Variants in TTN observed in about 807,000 individuals in gnomAD.
The protein encoded by TTN is titin, also known as connectin.
TTN carries 1,525 observed loss-of-function variants against 3,223.0 expected under a neutral mutation model. That is an observed-to-expected ratio of 0.47 (90% CI 0.45 to 0.49). The LOEUF (loss-of-function observed/expected upper bound fraction) is 0.49, where lower values mean the gene tolerates loss of function less well. Ranked by LOEUF, TTN falls within the 20% of genes least tolerant of loss-of-function variation. The probability of loss-of-function intolerance (pLI) is 0.00; values close to 1 mark genes in which losing one functional copy is unlikely to be tolerated. For synonymous variants in TTN, 14,094 were observed against 15,161.0 expected, an observed-to-expected ratio of 0.93 and a Z score of 5.17; for missense variants, 40,786 against 43,424.0, an observed-to-expected ratio of 0.94 and a Z score of 5.40.
chr2:178,798,510 A>C (rs192344486), intron 6 of TTN: 1 of 152,288 alleles, frequency 6.6e-6, no homozygotes, highest in East Asian at 1.9e-4. Flanking sequence ...AATATTTAAA[A>C]GGTTTTACTT....
chr2:178,735,889 C>G lies in TTN; in HGVS notation c.14557G>C (p.Glu4853Gln). The G allele has an allele frequency of 6.2e-7, 1 of 1,613,858 alleles. No individual in the cohort carries two copies. The highest frequency in any genetic ancestry group is 1.1e-5 in the South Asian group (1 of 91,074). Residue 4853 changes from glutamate (E) to glutamine (Q), a missense_variant, in exon 50 of 363, where the codon GAA becomes CAA. Coordinates refer to ENST00000589042, the MANE Select transcript of TTN (RefSeq NM_001267550.2). ...ISDAENKHIL[E>Q]LSNLTIQDRG... ...TCTTGAATGGTAAGGTTTGAGAGTTCTAAAATGTGTTTGTTTTCTGCGTCG... is the reference window on the plus strand; with the variant it reads ...TCTTGAATGGTAAGGTTTGAGAGTTGTAAAATGTGTTTGTTTTCTGCGTCG...
At position 178,532,307 on chromosome 2, in the gene TTN, C is replaced by T. The variant is rs1689483910; in HGVS notation, c.104308G>A (p.Asp34770Asn). 4 of 1,613,900 alleles carry T rather than the reference C, an allele frequency of 2.5e-6. No homozygotes were observed. Among genetic ancestry groups the T allele is most frequent in the Non-Finnish European group, 3.4e-6 (4 of 1,179,896 alleles). ...GTAACTGGGCGAAGCAACTCTTCAT[C>T]CTCCCTCTCAGCCATGATTCTTTGC... ...QRQRIMAERE[D>N]EELLRPVTTT... Residue 34770 changes from aspartate (D) to asparagine (N), a missense_variant, in exon 358 of 363, where the codon GAT becomes AAT. Coordinates refer to ENST00000589042, the MANE Select transcript of TTN (RefSeq NM_001267550.2).
At position 178,759,074 on chromosome 2, in the gene TTN, C is replaced by T. The variant is rs1187665800; in HGVS notation, c.10213G>A (p.Glu3405Lys). Residue 3405 changes from glutamate (E) to lysine (K), a missense_variant, in exon 44 of 363, where the codon GAA becomes AAA. By Grantham distance (56) the Glu-to-Lys change is moderately conservative. Transcript: ENST00000589042. ...GTTCCTTCATCTTCTGGATAAGCTT[C>T]GGCAATTTCCAGTTGATAAGTGTCT... ...FEDTYQLEIA[E>K]AYPEDEGTYT... 34 of 1,613,930 alleles carry T rather than the reference C, an allele frequency of 2.1e-5. No homozygotes were observed. The highest frequency in any genetic ancestry group is 1.7e-4 in the Middle Eastern group (1 of 6,058).
chr2:178,725,556 A>G lies in TTN; in HGVS notation c.20648T>C (p.Ile6883Thr). The change falls in exon 71 of 363, where the codon ATT (isoleucine) becomes ACT (threonine). Residue 6883 changes from isoleucine to threonine, a missense_variant. Coordinates refer to ENST00000589042, the MANE Select transcript of TTN (RefSeq NM_001267550.2). ...CTTCTCTTTAAGCCACTGGACAAAA[A>G]TAGGCTGGGCGCCTTCTATGGATGC... ...LQASIEGAQP[I>T]FVQWLKEKEE... 6.2e-7 allele frequency: 1 copy of G among 1,613,264 alleles called. No individual in the cohort carries two copies.
intron 150 of TTN, 94 bp downstream of exon 150, chr2:178,674,945 C>T: frequency 1.6e-6 from 1 of 636,078 alleles, no homozygotes; most frequent in Non-Finnish European, 2.5e-6. Context: ...ATGTTGATTT[C>T]CTGGGGTAAA....
At chr2:178,671,832 C>A in intron 155 of TTN, 139 bp downstream of exon 155, 1 of 834,532 alleles carries the variant, frequency 1.2e-6, no homozygotes. Context: ...AGATATTAAT[C>A]TTTGTGTCAA....
rs1479661386 is a variant in TTN, at chr2:178,715,274, GA to G, written c.25922-11del. 1.9e-6 allele frequency: 3 copies of G among 1,580,766 alleles called. No homozygotes were observed. Among genetic ancestry groups the G allele is most frequent in the African/African-American group, 1.4e-5 (1 of 72,890 alleles). ...CGGAAAATGGGTGGTTCTAAAATTG[GA>G]AAAAAGGAAAATACGGATGTATTCT... On this transcript the variant is annotated splice_polypyrimidine_tract_variant and intron_variant, in intron 89 of 362. Coordinates refer to ENST00000589042, the MANE Select transcript of TTN (RefSeq NM_001267550.2).
rs2078136665 is a variant in TTN at position 178,720,254 on chromosome 2, T to C, written c.23388A>G (p.Arg7796=). ...AGGTGTCACTTAGCTTTTTCACGAA[T>C]CGTGGAGGTTCTGATGAAAGAAATT... ...SCSVKFKEPP[R]FVKKLSDTST... Residue 7796 remains arginine (R), a synonymous_variant, in exon 81 of 363, where the codon CGA becomes CGG. Coordinates refer to ENST00000589042, the MANE Select transcript of TTN (RefSeq NM_001267550.2). 2 of 1,608,256 alleles carry C rather than the reference T, an allele frequency of 1.2e-6. No individual in the cohort carries two copies. Among genetic ancestry groups the C allele is most frequent in the Non-Finnish European group, 1.7e-6 (2 of 1,176,262 alleles).
chr2:178,766,923 T>G (rs2090545367), intron 40 of TTN, among the ~76,000 whole-genome samples: 1 of 152,228 alleles, frequency 6.6e-6, no homozygotes, highest in Non-Finnish European at 1.5e-5. Flanking sequence ...TAATGATGCT[T>G]TACCTTTGGG....
chr2:178,716,931 T>TA (rs1306048702), intron 88 of TTN, among the ~76,000 whole-genome samples, 164 bp downstream of exon 88: 1 of 152,116 alleles, frequency 6.6e-6, no homozygotes, highest in Non-Finnish European at 1.5e-5. Flanking sequence ...TTAAAGTAAT[T>TA]AAAAAATACT....
intron 220 of TTN, 83 bp downstream of exon 220, chr2:178,641,158 C>G (rs1194879331): frequency 2.1e-6 from 2 of 937,756 alleles, no homozygotes; most frequent in Admixed American, 5.7e-5. Flanking sequence ...CATCTAACTT[C>G]ATTTATGTTT....
In TTN at chr2:178,672,716, T is replaced by C; in HGVS notation, c.34787-13A>G. 1 of 1,584,972 alleles carries C rather than the reference T, an allele frequency of 6.3e-7. No homozygotes were observed. The highest frequency in any genetic ancestry group is 8.6e-7 in the Non-Finnish European group (1 of 1,163,762). On this transcript the variant is annotated splice_polypyrimidine_tract_variant and intron_variant, in intron 152 of 362. Transcript: ENST00000589042. ...ATTTTCTTTGACACTTTAAAGATAT[T>C]AGGTGTTTTAGTTAGCTGAGAATGT... is the stretch of plus-strand genomic sequence containing the variant.
chr2:178,576,823 C>G lies in TTN; in HGVS notation c.69421G>C (p.Gly23141Arg), dbSNP rs1291311240. ...GATACCTCTGGTTTTTCAGGAGGGCCAGGGGGACCTGAAAAGGAAGCAAAT... is the reference window on the plus strand; with the variant it reads ...GATACCTCTGGTTTTTCAGGAGGGCGAGGGGGACCTGAAAAGGAAGCAAAT... Reference protein sequence around the residue: ...VKMVDRFGPPGPPEKPEVSNV... With the variant: ...VKMVDRFGPPRPPEKPEVSNV... The change falls in exon 325 of 363, where the codon GGC becomes CGC. Residue 23141 changes from glycine (G) to arginine (R), a missense_variant. Coordinates refer to ENST00000589042, the MANE Select transcript of TTN (RefSeq NM_001267550.2). The surrounding 1 kb of genome is among the most constrained non-coding windows in gnomAD (Gnocchi z 4.3). The G allele has an allele frequency of 3.1e-6, 5 of 1,607,064 alleles. No individual in the cohort carries two copies. The highest frequency in any genetic ancestry group is 3.4e-6 in the Non-Finnish European group (4 of 1,178,120).
Position 178,670,227 on chromosome 2 carries a change from GT to G in TTN, c.35376del (p.Pro11793GlnfsTer22). 1 of 1,472,730 alleles carries G rather than the reference GT, an allele frequency of 6.8e-7. No homozygotes were observed. Among genetic ancestry groups the G allele is most frequent in the Non-Finnish European group, 9.0e-7 (1 of 1,116,304 alleles). The allele number at this position is 1,472,730 out of a possible 1,614,324, so 91.2% of individuals were successfully genotyped here. On this transcript the variant is annotated frameshift_variant, in exon 157 of 363. Coordinates refer to ENST00000589042, the MANE Select transcript of TTN (RefSeq NM_001267550.2). LOFTEE classifies it high-confidence loss of function. ...GAGAAAAGCCAGTTACCTTTAGTTG[GT>G]GGAACTCTGGGCTCTTCAGGAACAC... ...KVRVPEEPRV[P>X]PTKAPEVPKK...
In TTN at chr2:178,536,228, C is replaced by T; in HGVS notation, c.100519G>A (p.Val33507Ile). 2 of 1,613,296 alleles carry T rather than the reference C, an allele frequency of 1.2e-6. No homozygotes were observed. The highest frequency in any genetic ancestry group is 1.1e-5 in the South Asian group (1 of 91,018). The change falls in exon 357 of 363, where the codon GTC (valine) becomes ATC (isoleucine). Residue 33507 changes from valine (V) to isoleucine (I), a missense_variant. Physicochemically the swap from Val to Ile is conservative, Grantham distance 29. Coordinates refer to ENST00000589042, the MANE Select transcript of TTN (RefSeq NM_001267550.2). ...HFKEELRNLN[V>I]RYQSNATLVC... ...AAGGTAGCATTGCTCTGATATCTGA[C>T]ATTTAGATTTCTCAGTTCCTCTTTA...
rs727505311 is a variant in TTN at position 178,540,091 on chromosome 2, G to C, written c.98075C>G (p.Thr32692Arg). 28 of 1,606,078 alleles carry C rather than the reference G, an allele frequency of 1.7e-5. No homozygotes were observed. The highest frequency in any genetic ancestry group is 1.2e-5 in the Non-Finnish European group (14 of 1,174,728). ...GPGEPAEVPGTVKVTEMLEYP... is the reference protein window; with the variant it reads ...GPGEPAEVPGRVKVTEMLEYP... ...ACCAAGCATTTCAGTGACTTTGACT[G>C]TTCCTGGTACCTCAGCAGGCTCACC... Residue 32692 changes from threonine to arginine, a missense_variant, in exon 351 of 363, where the codon ACA (threonine) becomes AGA (arginine). Coordinates refer to ENST00000589042, the MANE Select transcript of TTN (RefSeq NM_001267550.2).
rs373086922 is a variant in TTN at position 178,664,888 on chromosome 2, C to G, written c.36082G>C (p.Val12028Leu). The change falls in exon 166 of 363, where the codon GTT becomes CTT. Residue 12028 changes from valine (V) to leucine (L), a missense_variant. Coordinates refer to ENST00000589042, the MANE Select transcript of TTN (RefSeq NM_001267550.2). ...APQEIIPAKTVPSKKREPPSV... is the reference protein window; with the variant it reads ...APQEIIPAKTLPSKKREPPSV... The stretch of plus-strand genomic sequence containing the variant: ...GGGGGTTCTCTTTTTTTGGAAGGAA[C>G]TGTCTTGGCAGGAATAATTTCTTGA... The G allele has an allele frequency of 1.9e-4, 314 of 1,611,042 alleles. 3 individuals carry two copies. The Middle Eastern group carries it at 2.8e-3, about 14-fold the overall frequency.
intron 68 of TTN, 57 bp downstream of exon 68, chr2:178,727,524 CTGAA>C (rs1430368744): frequency 9.2e-6 from 14 of 1,518,106 alleles, no homozygotes; most frequent in Non-Finnish European, 1.2e-5. Flanking sequence ...GACATTGTAA[CTGAA>C]TACAGAGAAC....
chr2:178,720,826 T>C (rs1264409134), intron 79 of TTN, 95 bp downstream of exon 79: 13 of 1,437,604 alleles, frequency 9.0e-6, no homozygotes, highest in Non-Finnish European at 1.2e-5. Flanking sequence ...TGCAACCAAA[T>C]AACCTTAATT....
Sources: allele counts gnomAD v4.1 joint callset (sites outside exome capture counted in the v4.1 genomes callset), GRCh38; gene constraint gnomAD v4.1.1; non-coding constraint Gnocchi (gnomAD v3.1); transcripts MANE v1.5; gene names NCBI Gene and HGNC (gene_info 2026-07-23, HGNC 2026-07-21).